Variants in PAPSS2 observed in about 807,000 individuals in gnomAD.
PAPSS2 encodes bifunctional 3'-phosphoadenosine 5'-phosphosulfate synthase 2.
Under a neutral mutation model 66.5 loss-of-function variants are expected in PAPSS2, and 61 were observed. That is an observed-to-expected ratio of 0.92 (90% CI 0.75 to 1.14). The LOEUF (loss-of-function observed/expected upper bound fraction) is 1.14. PAPSS2 is among the 50% of genes most tolerant of loss of function. The pLI is 0.00. For missense variants in PAPSS2, 708 were observed against 789.6 expected (o/e 0.90, Z 1.24); for synonymous variants, 289 against 287.5 (o/e 1.01, Z -0.05).
rs1230722586 is a variant in PAPSS2, at chr10:87,715,083, A to G, written c.738A>G (p.Ser246=). 1 of 1,599,990 alleles carries G rather than the reference A, an allele frequency of 6.3e-7. No individual in the cohort carries two copies. The highest frequency in any genetic ancestry group is 1.3e-5 in the African/African-American group (1 of 74,668). ...HVRAEAETLP[S]LSITKLDLQW... ...GAGCTGAGGCTGAAACTCTCCCTTC[A>G]TTATCAATTACTAAGGTAAGTGGGT... Residue 246 remains serine, a synonymous_variant, in exon 6 of 13, where the codon TCA becomes TCG. Transcript: ENST00000456849.
intron 1 of PAPSS2, among the ~76,000 whole-genome samples, chr10:87,663,613 A>G (rs1852782015): frequency 1.3e-5 from 2 of 152,060 alleles, no homozygotes; most frequent in South Asian, 4.1e-4. Flanking sequence ...GCACTACTGA[A>G]ATTCAGGTCT....
At chr10:87,712,452 A>C (rs1853473610) in intron 2 of PAPSS2, among the ~76,000 whole-genome samples, 1 of 152,092 alleles carries the variant, frequency 6.6e-6, no homozygotes, top group Non-Finnish European at 1.5e-5. Flanking sequence ...TTGTATACAC[A>C]ACTTCCTTTT....
chr10:87,710,972 A>G (rs1476561600), intron 2 of PAPSS2, among the ~76,000 whole-genome samples: 1 of 152,248 alleles, frequency 6.6e-6, no homozygotes, highest in Non-Finnish European at 1.5e-5. Flanking sequence ...ACTGCACTCC[A>G]GCCTGGGTGA....
At chr10:87,722,892 C>G (rs1853613929) in intron 8 of PAPSS2, among the ~76,000 whole-genome samples, 1 of 152,338 alleles carries the variant, frequency 6.6e-6, no homozygotes, top group Non-Finnish European at 1.5e-5. Flanking sequence ...TAACATCCCA[C>G]AGATTCACTT....
intron 1 of PAPSS2, among the ~76,000 whole-genome samples, chr10:87,664,165 T>C (rs1564706052): frequency 6.6e-6 from 1 of 152,152 alleles, no homozygotes. Context: ...GAAGAGATCC[T>C]CCTGCCTTGG....
chr10:87,698,965 G>A (rs1184193802), intron 1 of PAPSS2, among the ~76,000 whole-genome samples: 1 of 152,198 alleles, frequency 6.6e-6, no homozygotes, highest in Non-Finnish European at 1.5e-5. Context: ...TATTGGAATT[G>A]AACCTTAAAT....
chr10:87,697,517 G>A (rs1853249521), intron 1 of PAPSS2, among the ~76,000 whole-genome samples: 1 of 152,206 alleles, frequency 6.6e-6, no homozygotes, highest in South Asian at 2.1e-4. Context: ...TCGTCAGGGT[G>A]TGTCCAAGGT....
At chr10:87,720,559 T>C (rs1199050181) in intron 7 of PAPSS2, among the ~76,000 whole-genome samples, 1 of 152,228 alleles carries the variant, frequency 6.6e-6, no homozygotes, top group African/African-American at 2.4e-5. Context: ...GCCACAGACA[T>C]GTGCCCACTT....
chr10:87,701,254 TCTTTCTTC>T (rs1457943387), intron 1 of PAPSS2, among the ~76,000 whole-genome samples: 3 of 146,644 alleles, frequency 2.0e-5, no homozygotes, highest in Admixed American at 1.4e-4. Flanking sequence ...CTTTTTTCTT[TCTTTCTTC>T]CTTTCTTCCT....
At chr10:87,669,138 C>T (rs1316792307) in intron 1 of PAPSS2, among the ~76,000 whole-genome samples, 1 of 152,102 alleles carries the variant, frequency 6.6e-6, no homozygotes, top group African/African-American at 2.4e-5. Flanking sequence ...AAAATTCAAC[C>T]CTTTCCCACC....
At chr10:87,711,391 A>G (rs551021508) in intron 2 of PAPSS2, among the ~76,000 whole-genome samples, 1 of 152,362 alleles carries the variant, frequency 6.6e-6, no homozygotes, top group African/African-American at 2.4e-5. Context: ...GGTTACATAT[A>G]CTTACTGTAA....
At chr10:87,741,015 C>G (rs188772093) in intron 9 of PAPSS2, among the ~76,000 whole-genome samples, 2 of 151,950 alleles carry the variant, frequency 1.3e-5, no homozygotes, top group Admixed American at 6.6e-5. Flanking sequence ...TAGCTATAAC[C>G]CACAAAAATG....
intron 7 of PAPSS2, among the ~76,000 whole-genome samples, chr10:87,721,340 C>T (rs1853597258): frequency 6.6e-6 from 1 of 152,170 alleles, no homozygotes. Flanking sequence ...TGCTTCTATA[C>T]TTGCTCCCAA....
At chr10:87,735,388 C>A (rs1056006465) in intron 9 of PAPSS2, among the ~76,000 whole-genome samples, 1 of 152,102 alleles carries the variant, frequency 6.6e-6, no homozygotes, top group African/African-American at 2.4e-5. Flanking sequence ...GTTTGATGCC[C>A]CCTTCACCAA....
At chr10:87,728,465 C>A (rs992105982) in intron 9 of PAPSS2, among the ~76,000 whole-genome samples, 3 of 152,146 alleles carry the variant, frequency 2.0e-5, no homozygotes, top group Non-Finnish European at 4.4e-5. Flanking sequence ...CCAGGCTGGG[C>A]GCGGTGGCTC....
chr10:87,708,068 T>G (rs1175002136), intron 1 of PAPSS2, among the ~76,000 whole-genome samples: 1 of 152,304 alleles, frequency 6.6e-6, no homozygotes, highest in South Asian at 2.1e-4. Context: ...TATTATGGAT[T>G]TTTTCCCCCT....
At position 87,727,474 on chromosome 10, in the gene PAPSS2, A is replaced by G; in HGVS notation, c.1071A>G (p.Lys357=). Residue 357 remains lysine (K), a synonymous_variant, in exon 9 of 13, where the codon AAA becomes AAG. Transcript: ENST00000456849. ...GTGTTTGGGGGACAACATGTACAAA[A>G]CACCCCCATATCAAAGTAAGTCACA... ...CSRVWGTTCT[K]HPHIKMVMES... 2 of 1,612,630 alleles carry G rather than the reference A, an allele frequency of 1.2e-6. No homozygotes were observed. The highest frequency in any genetic ancestry group is 1.7e-6 in the Non-Finnish European group (2 of 1,179,146).
intron 1 of PAPSS2, among the ~76,000 whole-genome samples, chr10:87,693,248 G>T (rs988420286): frequency 6.6e-6 from 1 of 152,188 alleles, no homozygotes; most frequent in Non-Finnish European, 1.5e-5. Flanking sequence ...GGCTGGCATG[G>T]CCACACTGAA....
intron 1 of PAPSS2, among the ~76,000 whole-genome samples, chr10:87,673,223 AT>A (rs1413104623): frequency 6.6e-6 from 1 of 152,190 alleles, no homozygotes; most frequent in Non-Finnish European, 1.5e-5. Flanking sequence ...TTAAAACATT[AT>A]TTTTTTAAAG....
Sources: allele counts gnomAD v4.1 joint callset (sites outside exome capture counted in the v4.1 genomes callset), GRCh38; gene constraint gnomAD v4.1.1; transcripts MANE v1.5; gene names NCBI Gene and HGNC (gene_info 2026-07-23, HGNC 2026-07-21).